Variants in RAB22A observed in about 807,000 individuals in gnomAD.
The protein encoded by RAB22A is ras-related protein Rab-22A.
Under a neutral mutation model 30.2 loss-of-function variants are expected in RAB22A, and 13 were observed. The observed-to-expected ratio is 0.43, with a 90% CI of 0.28 to 0.68. RAB22A has a LOEUF of 0.68. Among genes scored for constraint, RAB22A ranks in the 30% least tolerant of loss-of-function variants. RAB22A has a pLI of 0.18. For missense variants in RAB22A, 177 were observed against 246.8 expected, an observed-to-expected ratio of 0.72 and a Z score of 1.89; for synonymous variants, 89 against 87.2, an observed-to-expected ratio of 1.02 and a Z score of -0.11.
intron 2 of RAB22A, among the ~76,000 whole-genome samples, chr20:58,343,332 A>T (rs1986889089): frequency 6.6e-6 from 1 of 152,184 alleles, no homozygotes; most frequent in Non-Finnish European, 1.5e-5. Flanking sequence ...CAGATCCTAA[A>T]AAGTTTTTTT....
At chr20:58,346,216 C>T (rs1268004730) in intron 3 of RAB22A, among the ~76,000 whole-genome samples, 1 of 152,248 alleles carries the variant, frequency 6.6e-6, no homozygotes, top group Non-Finnish European at 1.5e-5. Context: ...GGGTCCCCTG[C>T]TTTCCCTCTG....
chr20:58,325,735 G>A (rs1033518332), intron 2 of RAB22A, among the ~76,000 whole-genome samples: 3 of 152,154 alleles, frequency 2.0e-5, no homozygotes, highest in Non-Finnish European at 4.4e-5. Flanking sequence ...TTGGAAGTCT[G>A]GTACTGTTTG....
chr20:58,337,837 C>T (rs1178198051), intron 2 of RAB22A, among the ~76,000 whole-genome samples: 1 of 152,140 alleles, frequency 6.6e-6, no homozygotes, highest in Non-Finnish European at 1.5e-5. Context: ...AAAACCCAGC[C>T]TGGAGCCCAC....
At chr20:58,315,331 C>T (rs1986314541) in intron 2 of RAB22A, among the ~76,000 whole-genome samples, 1 of 152,154 alleles carries the variant, frequency 6.6e-6, no homozygotes, top group Admixed American at 6.6e-5. Context: ...GCCCATGCCT[C>T]CAACCCATGA....
chr20:58,352,005 A>G (rs1201492604), intron 3 of RAB22A, among the ~76,000 whole-genome samples: 2 of 152,178 alleles, frequency 1.3e-5, no homozygotes, highest in Admixed American at 6.5e-5. Flanking sequence ...ATAATAAACA[A>G]AAGAGACCCA....
At chr20:58,325,628 GT>G (rs1986556735) in intron 2 of RAB22A, among the ~76,000 whole-genome samples, 1 of 152,086 alleles carries the variant, frequency 6.6e-6, no homozygotes, top group Non-Finnish European at 1.5e-5. Flanking sequence ...ATGTCTCTCG[GT>G]TTCCAAACAG....
intron 3 of RAB22A, among the ~76,000 whole-genome samples, chr20:58,351,993 A>G (rs977370151): frequency 4.6e-5 from 7 of 152,232 alleles, no homozygotes; most frequent in African/African-American, 1.7e-4. Flanking sequence ...TGTAGTATTC[A>G]AATAATAAAC....
At chr20:58,314,276 G>A (rs1986291162) in intron 2 of RAB22A, among the ~76,000 whole-genome samples, 1 of 152,058 alleles carries the variant, frequency 6.6e-6, no homozygotes, top group South Asian at 2.1e-4. Context: ...TGTTGGCCAG[G>A]CTGTTCTCAA....
rs77825779 is a variant in RAB22A at position 58,337,301 on chromosome 20, C to T, written c.117-6417C>T. On this transcript the variant is annotated intron_variant, in intron 2 of 6. Transcript: ENST00000244040. ...GGCTTGTGGCCCCTTCTTTCATCTT[C>T]AAGGCCCGTCATTCTCTTCTCCATT... is the stretch of plus-strand genomic sequence containing the variant. Among the ~76,000 whole-genome samples, 345 of 152,266 alleles carry T rather than the reference C, an allele frequency of 2.3e-3. 1 individual carries two copies. Among genetic ancestry groups the T allele is most frequent in the African/African-American group, 7.8e-3 (324 of 41,568 alleles).
intron 2 of RAB22A, among the ~76,000 whole-genome samples, chr20:58,321,411 TC>T (rs1469751197): frequency 6.6e-6 from 1 of 152,142 alleles, no homozygotes; most frequent in African/African-American, 2.4e-5. Flanking sequence ...CAGTATTATT[TC>T]AAACCTTTTA....
At chr20:58,351,582 G>A (rs1568873140) in intron 3 of RAB22A, among the ~76,000 whole-genome samples, 1 of 152,202 alleles carries the variant, frequency 6.6e-6, no homozygotes, top group Non-Finnish European at 1.5e-5. Flanking sequence ...GGGAGGCCGA[G>A]GCAGGTGGAT....
In RAB22A at chr20:58,328,032, G is replaced by C. The variant is rs143603659; in HGVS notation, c.117-15686G>C. 3.1e-3 allele frequency among the ~76,000 whole-genome samples: 478 copies of C among 152,330 alleles called. 3 individuals carry two copies. The highest frequency in any genetic ancestry group is 0.011 in the African/African-American group (464 of 41,584). ...GATGGTAGTAATATGTCAATGTTAA[G>C]TTCACAGTTTTGATTATCTTACTCT... On this transcript the variant is annotated intron_variant, in intron 2 of 6. Coordinates refer to ENST00000244040, the MANE Select transcript of RAB22A (RefSeq NM_020673.3).
chr20:58,339,906 GC>G (rs1440066883), intron 2 of RAB22A, among the ~76,000 whole-genome samples: 3 of 152,158 alleles, frequency 2.0e-5, no homozygotes, highest in Admixed American at 2.0e-4. Context: ...CAGGACTTCT[GC>G]CTGGGGCTAG....
At chr20:58,348,794 A>T (rs569034665) in intron 3 of RAB22A, among the ~76,000 whole-genome samples, 717 of 34,814 alleles carry the variant, frequency 0.021, 6 homozygotes, top group African/African-American at 0.13. Flanking sequence ...GATGAGCTTA[A>T]AAAAAAAAAA....
intron 2 of RAB22A, among the ~76,000 whole-genome samples, chr20:58,339,145 T>A (rs503123): frequency 0.55 from 83,233 of 152,148 alleles, 24,008 homozygotes; most frequent in African/African-American, 0.73. Flanking sequence ...CTGACCAAAG[T>A]TCATGACTAC....
At chr20:58,332,086 C>A (rs764573820) in intron 2 of RAB22A, among the ~76,000 whole-genome samples, 5 of 152,154 alleles carry the variant, frequency 3.3e-5, no homozygotes, top group Non-Finnish European at 7.4e-5. Context: ...ATAACTCAGT[C>A]CTTTAAACAA....
At chr20:58,311,742 T>C (rs113667197) in intron 2 of RAB22A, among the ~76,000 whole-genome samples, 1 of 152,244 alleles carries the variant, frequency 6.6e-6, no homozygotes, top group Non-Finnish European at 1.5e-5. Context: ...CTTATAAAAC[T>C]AAATAGGTGC....
At chr20:58,327,965 T>G (rs901332296) in intron 2 of RAB22A, among the ~76,000 whole-genome samples, 11 of 152,174 alleles carry the variant, frequency 7.2e-5, no homozygotes, top group African/African-American at 2.7e-4. Flanking sequence ...AAAGGGATAT[T>G]ATCAGGACAA....
chr20:58,340,811 C>T (rs1366422108), intron 2 of RAB22A, among the ~76,000 whole-genome samples: 1 of 152,144 alleles, frequency 6.6e-6, no homozygotes, highest in African/African-American at 2.4e-5. Flanking sequence ...GTAGATGGCA[C>T]AGGTGTCTAT....
Sources: gnomAD v4.1 joint callset for allele counts (sites outside exome capture counted in the v4.1 genomes callset) on GRCh38, gnomAD v4.1.1 for gene constraint, MANE v1.5 for transcripts, NCBI Gene and HGNC (gene_info 2026-07-23, HGNC 2026-07-21) for gene names.